The following WDFY2 variants were observed in gnomAD, a reference collection of about 807,000 sequenced individuals.
WDFY2 encodes WD repeat and FYVE domain containing 2.
A neutral mutation model predicts 56.4 loss-of-function variants in WDFY2; 36 were observed. The observed-to-expected ratio is 0.64, with a 90% CI of 0.49 to 0.84. The LOEUF (loss-of-function observed/expected upper bound fraction) is 0.84, where lower values mean the gene tolerates loss of function less well. Among genes scored for constraint, WDFY2 ranks in the 40% least tolerant of loss-of-function variants. The probability of loss-of-function intolerance (pLI) is 0.00; values close to 1 mark genes in which losing one functional copy is unlikely to be tolerated. For synonymous variants in WDFY2, 176 were observed against 183.7 expected (o/e 0.96, Z 0.34); for missense variants, 444 against 512.2 (o/e 0.87, Z 1.29).
At chr13:51,745,728 A>G (rs1239167991) in intron 7 of WDFY2, among the ~76,000 whole-genome samples, 2 of 120,416 alleles carry the variant, frequency 1.7e-5, no homozygotes, top group East Asian at 5.3e-4. Context: ...CTCAGTGATT[A>G]TCCTTCATTT....
chr13:51,730,229 G>A (rs1030175581), intron 6 of WDFY2, among the ~76,000 whole-genome samples: 13 of 152,186 alleles, frequency 8.5e-5, no homozygotes, highest in African/African-American at 3.1e-4. Flanking sequence ...CCAGCTCCCT[G>A]CAATCTGGTT....
intron 7 of WDFY2, among the ~76,000 whole-genome samples, chr13:51,743,930 C>T (rs184848025): frequency 2.0e-5 from 3 of 152,294 alleles, no homozygotes; most frequent in East Asian, 1.9e-4. Flanking sequence ...GGACAGAGGG[C>T]GAGAGCCTAA....
At chr13:51,626,648 T>C (rs1954840121) in intron 1 of WDFY2, among the ~76,000 whole-genome samples, 1 of 152,264 alleles carries the variant, frequency 6.6e-6, no homozygotes, top group Admixed American at 6.5e-5. Context: ...TATAAATTTT[T>C]ATTTTAGCAT....
intron 1 of WDFY2, among the ~76,000 whole-genome samples, chr13:51,601,831 AGAGGCATGAGT>A (rs1954289895): frequency 6.6e-6 from 1 of 152,216 alleles, no homozygotes; most frequent in Non-Finnish European, 1.5e-5. Flanking sequence ...AAGAAGATGC[AGAGGCATGAGT>A]GTGGAGCCTC....
chr13:51,630,676 G>A (rs986719990), intron 1 of WDFY2, among the ~76,000 whole-genome samples: 3 of 149,466 alleles, frequency 2.0e-5, no homozygotes, highest in Admixed American at 2.0e-4. Flanking sequence ...TTTACTGAAT[G>A]TTTGGTCTTA....
rs1168599136 is a variant in WDFY2, at chr13:51,726,292, C to A, written c.486-1386C>A. 2.0e-5 allele frequency among the ~76,000 whole-genome samples: 3 copies of A among 152,180 alleles called. No individual in the cohort carries two copies. In the East Asian group the frequency reaches 5.8e-4, roughly 29 times the overall value. ...TGTATAAAGATCTCCATTTTTACCC[C>A]AGCTGCATAATATTCTATTGTGTGG... On this transcript the variant is annotated intron_variant, in intron 5 of 11. Coordinates refer to ENST00000298125, the MANE Select transcript of WDFY2 (RefSeq NM_052950.4).
intron 1 of WDFY2, among the ~76,000 whole-genome samples, chr13:51,627,882 A>G (rs1401394922): frequency 6.6e-6 from 1 of 152,140 alleles, no homozygotes; most frequent in Non-Finnish European, 1.5e-5. Flanking sequence ...GCTCCTCTCC[A>G]CAGGCAGGTG....
At chr13:51,665,460 T>C (rs1398126855) in intron 2 of WDFY2, among the ~76,000 whole-genome samples, 1 of 152,254 alleles carries the variant, frequency 6.6e-6, no homozygotes, top group African/African-American at 2.4e-5. Flanking sequence ...GATCACACTA[T>C]AGAGAAAAAT....
chr13:51,616,277 A>G (rs1301415778), intron 1 of WDFY2, among the ~76,000 whole-genome samples: 1 of 152,264 alleles, frequency 6.6e-6, no homozygotes, highest in Non-Finnish European at 1.5e-5. Flanking sequence ...CATGATTCTC[A>G]TAATGCCAAA....
intron 1 of WDFY2, among the ~76,000 whole-genome samples, chr13:51,644,255 G>T (rs150630278): frequency 2.0e-5 from 3 of 152,250 alleles, no homozygotes; most frequent in African/African-American, 7.2e-5. Flanking sequence ...ACAAAATAGT[G>T]CTATTTGTAA....
intron 1 of WDFY2, among the ~76,000 whole-genome samples, chr13:51,612,830 G>A (rs1186423475): frequency 6.6e-6 from 1 of 152,222 alleles, no homozygotes; most frequent in African/African-American, 2.4e-5. Flanking sequence ...GGTAGAGGGT[G>A]CAGAGATTGT....
At chr13:51,608,813 C>T (rs1313984803) in intron 1 of WDFY2, among the ~76,000 whole-genome samples, 1 of 152,140 alleles carries the variant, frequency 6.6e-6, no homozygotes, top group Non-Finnish European at 1.5e-5. Context: ...TATTTTCAAT[C>T]AGAATAAATT....
intron 7 of WDFY2, among the ~76,000 whole-genome samples, chr13:51,744,917 CAAG>C (rs1199216696): frequency 1.3e-5 from 2 of 152,148 alleles, no homozygotes; most frequent in African/African-American, 4.8e-5. Context: ...ATCCCTAAAT[CAAG>C]AAGTCCCAGA....
At chr13:51,750,537 C>CA (rs61355886) in intron 7 of WDFY2, among the ~76,000 whole-genome samples, 104,736 of 139,256 alleles carry the variant, frequency 0.75, 39,290 homozygotes, top group Admixed American at 0.81. Flanking sequence ...GACGAACATA[C>CA]AAAAAAAAAA....
chr13:51,586,313 T>C, intron 1 of WDFY2: 1 of 361,294 alleles, frequency 2.8e-6, no homozygotes, highest in Non-Finnish European at 4.9e-6. Flanking sequence ...CTACTGGAGA[T>C]GGAACTGATC....
intron 4 of WDFY2, among the ~76,000 whole-genome samples, chr13:51,707,717 A>G (rs1201020061): frequency 6.6e-6 from 1 of 151,980 alleles, no homozygotes; most frequent in East Asian, 1.9e-4. Flanking sequence ...TTTTTTTCAT[A>G]TGTTGTATGA....
intron 2 of WDFY2, among the ~76,000 whole-genome samples, chr13:51,672,027 G>A (rs111561624): frequency 0.051 from 7,742 of 152,076 alleles, 244 homozygotes; most frequent in Middle Eastern, 0.085. Context: ...CAAGTGATCC[G>A]TCCATCTCAG....
intron 2 of WDFY2, among the ~76,000 whole-genome samples, chr13:51,672,674 A>G (rs1263634986): frequency 2.0e-5 from 3 of 152,216 alleles, no homozygotes; most frequent in South Asian, 2.1e-4. Flanking sequence ...CTACCCATCC[A>G]TGAGCATGGG....
chr13:51,698,035 A>G (rs1489489538), intron 3 of WDFY2, among the ~76,000 whole-genome samples: 1 of 152,196 alleles, frequency 6.6e-6, no homozygotes, highest in Non-Finnish European at 1.5e-5. Flanking sequence ...ATACAGTCTT[A>G]TGAGGCTAGT....
Sources: allele counts gnomAD v4.1 joint callset (sites outside exome capture counted in the v4.1 genomes callset), GRCh38; gene constraint gnomAD v4.1.1; transcripts MANE v1.5; gene names NCBI Gene and HGNC (gene_info 2026-07-23, HGNC 2026-07-21).